The following SRFBP1 variants were observed in gnomAD, a reference collection of about 807,000 sequenced individuals.
SRFBP1 encodes serum response factor-binding protein 1.
Under a neutral mutation model 45.5 loss-of-function variants are expected in SRFBP1, and 47 were observed. That is an observed-to-expected ratio of 1.03 (90% confidence interval 0.82 to 1.32). SRFBP1 has a LOEUF of 1.32. SRFBP1 is among the 40% of genes most tolerant of loss of function. The pLI, the probability that SRFBP1 is intolerant of heterozygous loss-of-function variation, is 0.00. For synonymous variants in SRFBP1, 203 were observed against 166.3 expected, an observed-to-expected ratio of 1.22 and a Z score of -1.70; for missense variants, 621 against 484.6, an observed-to-expected ratio of 1.28 and a Z score of -2.64.
intron 2 of SRFBP1, among the ~76,000 whole-genome samples, chr5:122,054,516 T>A (rs79444870): frequency 0.027 from 4,187 of 152,258 alleles, 209 homozygotes; most frequent in African/African-American, 0.095. Flanking sequence ...CATGAGCTGT[T>A]TGTAGTTTGC....
rs567377088 is a variant in SRFBP1 at position 122,035,046 on chromosome 5, TTTG to T, written n.311+12654_311+12656del. ...CCTTTCCAGGGATACAGGTTTTTTT[TTTG>T]TTGTTGTTGTTGTTTTTTCTATTAC... On this transcript the variant is annotated intron_variant and non_coding_transcript_variant, in intron 2 of 2. Transcript: ENST00000504881. Among the ~76,000 whole-genome samples, 760 of 152,160 alleles carry T rather than the reference TTTG, an allele frequency of 5.0e-3. 5 individuals carry two copies. The highest frequency in any genetic ancestry group is 0.016 in the African/African-American group (671 of 41,488).
chr5:122,070,732 G>A, intron 2 of SRFBP1: 1 of 529,570 alleles, frequency 1.9e-6, no homozygotes, highest in East Asian at 2.9e-5. Flanking sequence ...CATCTCCCTT[G>A]AGAAGTATTT....
At chr5:122,038,869 C>G (rs1034407344) in intron 2 of SRFBP1, among the ~76,000 whole-genome samples, 3 of 152,018 alleles carry the variant, frequency 2.0e-5, no homozygotes, top group African/African-American at 7.2e-5. Context: ...CTTTGGGGCT[C>G]CCAAACTTTC....
chr5:121,987,928 A>G (rs73285740), intron 3 of SRFBP1, among the ~76,000 whole-genome samples: 9 of 152,248 alleles, frequency 5.9e-5, no homozygotes, highest in African/African-American at 9.6e-5. Context: ...ACGAGTCACT[A>G]TATTAGGTTG....
intron 4 of SRFBP1, among the ~76,000 whole-genome samples, chr5:122,001,969 A>C (rs910157985): frequency 6.6e-6 from 1 of 152,226 alleles, no homozygotes; most frequent in Non-Finnish European, 1.5e-5. Context: ...GTAACTAACT[A>C]TAAGGTGTGT....
rs536115193 is a variant in SRFBP1 at position 122,037,788 on chromosome 5, G to T, written n.311+15381G>T. 2.9e-4 allele frequency among the ~76,000 whole-genome samples: 44 copies of T among 152,210 alleles called. No individual in the cohort carries two copies. The South Asian group carries it at 8.5e-3, about 29-fold the overall frequency. On this transcript the variant is annotated intron_variant and non_coding_transcript_variant, in intron 2 of 2. Coordinates refer to the SRFBP1 transcript ENST00000504881. ...CCACCTTGATTTCCCAAGGTACTGG[G>T]ATTATACCCATGAGCCACAGTGCTT...
chr5:121,980,254 T>C (rs1266803202), intron 3 of SRFBP1, among the ~76,000 whole-genome samples: 3 of 152,172 alleles, frequency 2.0e-5, no homozygotes, highest in Non-Finnish European at 4.4e-5. Flanking sequence ...AAAATTGTAA[T>C]ACTATAATAT....
At chr5:122,004,369 T>G (rs959516658) in intron 4 of SRFBP1, among the ~76,000 whole-genome samples, 1 of 152,174 alleles carries the variant, frequency 6.6e-6, no homozygotes, top group Admixed American at 6.5e-5. Flanking sequence ...CAGTACTGTT[T>G]ATTGAACAGA....
intron 2 of SRFBP1, among the ~76,000 whole-genome samples, chr5:121,974,902 T>TGG: frequency 6.6e-6 from 1 of 152,064 alleles, no homozygotes; most frequent in Middle Eastern, 3.4e-3. Context: ...TGTCAGAATA[T>TGG]AGCCCTTCTT....
intron 7 of SRFBP1, among the ~76,000 whole-genome samples, chr5:122,024,854 A>G (rs1753444017): frequency 6.6e-6 from 1 of 152,230 alleles, no homozygotes; most frequent in African/African-American, 2.4e-5. Flanking sequence ...ATTTACATAT[A>G]CAACTCTATG....
At chr5:121,999,930 T>G (rs1360039712) in intron 4 of SRFBP1, among the ~76,000 whole-genome samples, 2 of 152,154 alleles carry the variant, frequency 1.3e-5, no homozygotes, top group Non-Finnish European at 2.9e-5. Context: ...AAGCCATTTC[T>G]ATTCAATGTG....
At chr5:121,983,482 C>T (rs545373287) in intron 3 of SRFBP1, among the ~76,000 whole-genome samples, 7 of 151,678 alleles carry the variant, frequency 4.6e-5, no homozygotes, top group African/African-American at 1.7e-4. Flanking sequence ...AGCTATTTTG[C>T]CTTATTTTCT....
At chr5:122,022,306 G>GT in intron 6 of SRFBP1, 64 bp from the exon 7 acceptor site, 1 of 1,415,542 alleles carries the variant, frequency 7.1e-7, no homozygotes, top group Non-Finnish European at 9.8e-7. Context: ...ATTTTGTTAT[G>GT]TTTTTTTCTT....
chr5:122,003,092 C>T (rs897118909), intron 4 of SRFBP1, among the ~76,000 whole-genome samples: 1 of 152,072 alleles, frequency 6.6e-6, no homozygotes, highest in Admixed American at 6.6e-5. Flanking sequence ...CCTGTAGTCC[C>T]AGTGCTTTGG....
chr5:122,030,598 CT>C (rs79532611), downstream of SRFBP1, among the ~76,000 whole-genome samples: 7,489 of 138,202 alleles, frequency 0.054, 171 homozygotes, highest in African/African-American at 0.068. Flanking sequence ...CAATTAGAGG[CT>C]TTTTTTTTTT....
rs115195361 is a variant in SRFBP1 at position 121,963,288 on chromosome 5, G to A, written c.36+1220G>A. Among the ~76,000 whole-genome samples, 954 of 152,290 alleles carry A rather than the reference G, an allele frequency of 6.3e-3. 9 individuals carry two copies. The highest frequency in any genetic ancestry group is 0.021 in the African/African-American group (889 of 41,540). On this transcript the variant is annotated intron_variant, in intron 1 of 7. Transcript: ENST00000339397. ...CGAGTCAGGATTTCAGTTGACAGTG[G>A]AGTACAGGATATGCTGAAGAGGGAA...
chr5:122,050,462 A>G (rs1753955005), intron 2 of SRFBP1, among the ~76,000 whole-genome samples: 1 of 152,074 alleles, frequency 6.6e-6, no homozygotes, highest in South Asian at 2.1e-4. Context: ...CTCCTGATAC[A>G]ATTTCAGGAG....
At position 122,054,567 on chromosome 5, in the gene SRFBP1, C is replaced by G. The variant is rs80050738; in HGVS notation, n.312-20748C>G. On this transcript the variant is annotated intron_variant and non_coding_transcript_variant, in intron 2 of 2. Transcript: ENST00000504881. ...GACACTGTAACTGTGTTTCAATGAA[C>G]TTTATCTACAAAATCAGGTGGTAAG... Among the ~76,000 whole-genome samples the G allele has an allele frequency of 3.0e-3, 462 of 152,270 alleles. 1 individual carries two copies. The highest frequency in any genetic ancestry group is 0.01 in the African/African-American group (432 of 41,542).
rs1561417568 is a variant in SRFBP1, at chr5:122,070,581, A to T, written n.312-4734A>T. 1.3e-6 allele frequency: 2 copies of T among 1,578,468 alleles called. No homozygotes were observed. Among genetic ancestry groups the T allele is most frequent in the Non-Finnish European group, 1.7e-6 (2 of 1,150,610 alleles). On this transcript the variant is annotated intron_variant and non_coding_transcript_variant, in intron 2 of 2. Coordinates refer to the SRFBP1 transcript ENST00000504881. ...CACCATAGGTATCATAACAGCCAGG[A>T]CTCAATCCCTAAGATAAACAAAATA...
Sources: gnomAD v4.1 joint callset for allele counts (sites outside exome capture counted in the v4.1 genomes callset) on GRCh38, gnomAD v4.1.1 for gene constraint, MANE v1.5 for transcripts, NCBI Gene and HGNC (gene_info 2026-07-23, HGNC 2026-07-21) for gene names.